Variants in CTNNA3 observed in about 807,000 individuals in gnomAD.
CTNNA3 encodes the protein catenin alpha-3.
A neutral mutation model predicts 95.7 loss-of-function variants in CTNNA3; 76 were observed. The observed-to-expected ratio is 0.79, with a 90% CI of 0.66 to 0.96. The LOEUF (loss-of-function observed/expected upper bound fraction) is 0.96. Among genes scored for constraint, CTNNA3 ranks in the 40% least tolerant of loss-of-function variants. The pLI, the probability that CTNNA3 is intolerant of heterozygous loss-of-function variation, is 0.00. For synonymous variants in CTNNA3, 431 were observed against 374.4 expected (o/e 1.15, Z -1.74); for missense variants, 1,191 against 1,089.8 (o/e 1.09, Z -1.31).
At chr10:66,415,480 A>G (rs2093139156) in intron 11 of CTNNA3, among the ~76,000 whole-genome samples, 1 of 152,106 alleles carries the variant, frequency 6.6e-6, no homozygotes, top group Non-Finnish European at 1.5e-5. Context: ...TTAGCTGCCC[A>G]TGGACCCAAG....
At chr10:66,671,429 T>C (rs1846658188) in intron 9 of CTNNA3, among the ~76,000 whole-genome samples, 1 of 152,108 alleles carries the variant, frequency 6.6e-6, no homozygotes, top group Admixed American at 6.6e-5. Context: ...AAAATACCAA[T>C]TAAATGAAGA....
intron 12 of CTNNA3, among the ~76,000 whole-genome samples, chr10:66,333,039 T>C (rs980509573): frequency 6.6e-6 from 1 of 152,110 alleles, no homozygotes; most frequent in African/African-American, 2.4e-5. Context: ...TATTCTCTGA[T>C]GGTAGTTTGT....
chr10:66,346,633 A>G (rs2092523243), intron 12 of CTNNA3, among the ~76,000 whole-genome samples: 8 of 152,096 alleles, frequency 5.3e-5, no homozygotes, highest in Admixed American at 4.6e-4. Flanking sequence ...TGCTCTCACA[A>G]CATAAATTTT....
chr10:67,024,891 G>C (rs921127291), intron 7 of CTNNA3, among the ~76,000 whole-genome samples: 12 of 151,810 alleles, frequency 7.9e-5, no homozygotes, highest in Non-Finnish European at 1.8e-4. Flanking sequence ...AGCACTTTAG[G>C]GGGCCAAGGC....
At chr10:67,301,825 T>C (rs1242835534) in intron 5 of CTNNA3, among the ~76,000 whole-genome samples, 2 of 151,276 alleles carry the variant, frequency 1.3e-5, no homozygotes, top group African/African-American at 2.4e-5. Flanking sequence ...AAAAATTAGC[T>C]GGGGGTGGTG....
chr10:67,525,409 T>A (rs946408364), intron 4 of CTNNA3, among the ~76,000 whole-genome samples: 4 of 152,198 alleles, frequency 2.6e-5, no homozygotes, highest in African/African-American at 9.7e-5. Flanking sequence ...TAATTGCTCA[T>A]CTCACATTAA....
intron 5 of CTNNA3, among the ~76,000 whole-genome samples, chr10:67,351,169 A>G (rs757016891): frequency 7.9e-4 from 120 of 152,084 alleles, no homozygotes; most frequent in Non-Finnish European, 3.1e-4. Context: ...TGGAATAGGC[A>G]AAACAGATGA....
intron 17 of CTNNA3, among the ~76,000 whole-genome samples, chr10:65,938,523 C>T (rs2077378270): frequency 6.6e-6 from 1 of 152,246 alleles, no homozygotes; most frequent in Admixed American, 6.5e-5. Context: ...AGAGGCTTGA[C>T]AGAAGGAAGT....
intron 5 of CTNNA3, among the ~76,000 whole-genome samples, chr10:67,437,428 A>G: frequency 6.6e-6 from 1 of 152,100 alleles, no homozygotes; most frequent in Non-Finnish European, 1.5e-5. Context: ...TAAAGAACTT[A>G]CTCATGTAAC....
intron 14 of CTNNA3, among the ~76,000 whole-genome samples, chr10:66,085,885 A>G (rs867869351): frequency 3.6e-5 from 3 of 83,310 alleles, no homozygotes; most frequent in African/African-American, 1.2e-4. Context: ...ATATGGCACA[A>G]TCACTGCCTA....
At chr10:67,483,472 A>G (rs548413488) in intron 5 of CTNNA3, among the ~76,000 whole-genome samples, 93 of 151,242 alleles carry the variant, frequency 6.1e-4, no homozygotes, top group South Asian at 1.1e-3. Flanking sequence ...TTGTAGGGAC[A>G]TGGATGAAAT....
At chr10:66,505,481 AT>A (rs1175885084) in intron 11 of CTNNA3, among the ~76,000 whole-genome samples, 2 of 152,162 alleles carry the variant, frequency 1.3e-5, no homozygotes, top group African/African-American at 4.8e-5. Flanking sequence ...GGGGAAAAAA[AT>A]CTTACAGCTA....
At chr10:66,293,423 T>C (rs1036991384) in intron 12 of CTNNA3, among the ~76,000 whole-genome samples, 1 of 130,558 alleles carries the variant, frequency 7.7e-6, no homozygotes, top group Non-Finnish European at 1.6e-5. Context: ...TCTATCAATG[T>C]AGTAAAACAG....
Position 66,943,019 on chromosome 10 carries a change from C to G in CTNNA3, c.1048-167495G>C, listed in dbSNP as rs1038070034. Among the ~76,000 whole-genome samples the G allele has an allele frequency of 3.9e-5, 6 of 152,184 alleles. No homozygotes were observed. The South Asian group carries it at 6.2e-4, about 16-fold the overall frequency. Reference sequence around the variant, plus strand: ...GGGCAAACAAAATAGCTTCTCAGGGCAAGGGATATCAGAAATTTGGAGTCA... The same window carrying G: ...GGGCAAACAAAATAGCTTCTCAGGGGAAGGGATATCAGAAATTTGGAGTCA... On this transcript the variant is annotated intron_variant, in intron 7 of 17. Coordinates refer to ENST00000433211, the MANE Select transcript of CTNNA3 (RefSeq NM_013266.4).
chr10:66,791,781 G>T (rs1217609203), intron 7 of CTNNA3, among the ~76,000 whole-genome samples: 1 of 151,706 alleles, frequency 6.6e-6, no homozygotes, highest in African/African-American at 2.4e-5. Flanking sequence ...AGGATTTTTA[G>T]ATAGGCCTCC....
At chr10:67,468,179 C>G (rs1162810649) in intron 5 of CTNNA3, among the ~76,000 whole-genome samples, 1 of 152,044 alleles carries the variant, frequency 6.6e-6, no homozygotes, top group Non-Finnish European at 1.5e-5. Flanking sequence ...TCTCCCTCCT[C>G]CCACCTGCCA....
intron 13 of CTNNA3, among the ~76,000 whole-genome samples, chr10:66,123,276 C>T (rs765056868): frequency 4.6e-5 from 7 of 152,080 alleles, no homozygotes; most frequent in Non-Finnish European, 8.8e-5. Flanking sequence ...ACCATGCAAG[C>T]GTGAAATCCA....
intron 7 of CTNNA3, among the ~76,000 whole-genome samples, chr10:67,079,859 ACACACAC>A (rs1388236141): frequency 6.3e-4 from 2 of 3,152 alleles, no homozygotes; most frequent in Non-Finnish European, 9.4e-4. Flanking sequence ...AAAAAACAAA[ACACACAC>A]ACACACACAC....
chr10:67,727,245 T>G (rs1457437576), intron 1 of CTNNA3, among the ~76,000 whole-genome samples: 4 of 123,424 alleles, frequency 3.2e-5, no homozygotes, highest in African/African-American at 1.3e-4. Flanking sequence ...ATACTACATA[T>G]AAATATATAA....
Sources: allele counts gnomAD v4.1 joint callset (sites outside exome capture counted in the v4.1 genomes callset), GRCh38; gene constraint gnomAD v4.1.1; transcripts MANE v1.5; gene names NCBI Gene and HGNC (gene_info 2026-07-23, HGNC 2026-07-21).